The following HMGB1 variants were observed in gnomAD, a reference collection of about 807,000 sequenced individuals.
HMGB1 encodes high mobility group protein B1.
For synonymous variants in HMGB1, 81 were observed against 84.0 expected (o/e 0.96, Z 0.19); for missense variants, 79 against 253.5 (o/e 0.31, Z 4.67).
chr13:30,570,618 T>C (rs1387378512), intron 1 of HMGB1, among the ~76,000 whole-genome samples: 1 of 152,230 alleles, frequency 6.6e-6, no homozygotes, highest in African/African-American at 2.4e-5. Context: ...TGATTTTGTG[T>C]GCAGCTTTCT....
chr13:30,579,279 G>A (rs147098013), intron 1 of HMGB1, among the ~76,000 whole-genome samples: 1 of 152,170 alleles, frequency 6.6e-6, no homozygotes, highest in African/African-American at 2.4e-5. Context: ...CACGCTATAG[G>A]CCATGATCCA....
intron 1 of HMGB1, among the ~76,000 whole-genome samples, chr13:30,545,575 C>T: frequency 6.6e-6 from 1 of 152,088 alleles, no homozygotes; most frequent in East Asian, 1.9e-4. Context: ...CCCAGTATTC[C>T]TGAGTCTAGA....
intron 1 of HMGB1, among the ~76,000 whole-genome samples, chr13:30,591,683 GT>G (rs1225382271): frequency 6.6e-6 from 1 of 151,860 alleles, no homozygotes; most frequent in African/African-American, 2.4e-5. Flanking sequence ...CTAATTTTTT[GT>G]AGAGATGGGG....
intron 1 of HMGB1, among the ~76,000 whole-genome samples, chr13:30,593,234 C>CGGGG (rs1566035073): frequency 6.6e-6 from 1 of 152,172 alleles, no homozygotes. Flanking sequence ...ACCACCCCCC[C>CGGGG]GTAGAAGCTG....
At chr13:30,513,565 C>T (rs1888038261) in intron 1 of HMGB1, among the ~76,000 whole-genome samples, 1 of 152,180 alleles carries the variant, frequency 6.6e-6, no homozygotes, top group Non-Finnish European at 1.5e-5. Flanking sequence ...ACTGAGATTC[C>T]AAAAATCTGC....
intron 1 of HMGB1, among the ~76,000 whole-genome samples, chr13:30,613,322 C>T (rs1379528699): frequency 6.6e-6 from 1 of 152,092 alleles, no homozygotes; most frequent in Non-Finnish European, 1.5e-5. Flanking sequence ...TGTGCCTAGC[C>T]TTACACATTG....
rs149476588 is a variant in HMGB1, at chr13:30,562,547, T to C, written c.-15+54124A>G. On this transcript the variant is annotated intron_variant, in intron 1 of 4. Transcript: ENST00000405805. ...CTTTTATATTACAGTATTTTTGTTA[T>C]ACAGAAGTTTATATAGTGACAATAA... Among the ~76,000 whole-genome samples the C allele has an allele frequency of 3.3e-5, 5 of 152,342 alleles. No individual in the cohort carries two copies. The East Asian group carries it at 9.6e-4, about 29-fold the overall frequency.
intron 1 of HMGB1, chr13:30,464,049 A>C (rs1886538490): frequency 2.4e-5 from 23 of 950,244 alleles, no homozygotes; most frequent in Non-Finnish European, 2.9e-5. Context: ...CAACCAAACC[A>C]AAGGTCAGAA....
At chr13:30,465,097 C>T in intron 1 of HMGB1, 1 of 938,380 alleles carries the variant, frequency 1.1e-6, no homozygotes, top group Non-Finnish European at 1.3e-6. Flanking sequence ...GCCCAGCTCC[C>T]CCGCCCGCCC....
chr13:30,464,088 T>C (rs1886542693), intron 1 of HMGB1: 5 of 986,120 alleles, frequency 5.1e-6, no homozygotes, highest in South Asian at 4.6e-5. Flanking sequence ...GGCTTTGCAC[T>C]AGATAGGGAA....
At chr13:30,537,468 T>C (rs1306004412) in intron 1 of HMGB1, among the ~76,000 whole-genome samples, 1 of 151,956 alleles carries the variant, frequency 6.6e-6, no homozygotes, top group Non-Finnish European at 1.5e-5. Flanking sequence ...AGAACTGCTA[T>C]TGTAATTTCC....
At position 30,559,064 on chromosome 13, in the gene HMGB1, T is replaced by C. The variant is rs949864783; in HGVS notation, c.-15+57607A>G. On this transcript the variant is annotated intron_variant, in intron 1 of 4. Transcript: ENST00000405805. The surrounding 1 kb of genome is among the most constrained non-coding windows in gnomAD (Gnocchi z 6.6). ...ACTTTTCCAGAAAGCTCTGAATCTA[T>C]AGTTACTTTTAATTTTTAAAAATAT... 6.6e-6 allele frequency among the ~76,000 whole-genome samples: 1 copy of C among 152,226 alleles called. No homozygotes were observed. The highest frequency in any genetic ancestry group is 2.4e-5 in the African/African-American group (1 of 41,454).
upstream of HMGB1, among the ~76,000 whole-genome samples, chr13:30,469,624 C>T (rs1364809544): frequency 1.7e-4 from 10 of 57,568 alleles, 3 homozygotes; most frequent in East Asian, 4.7e-3. Flanking sequence ...AGTGCCACCA[C>T]GCCCGGCCTA....
chr13:30,588,840 C>G (rs183444122), intron 1 of HMGB1, among the ~76,000 whole-genome samples: 32 of 151,990 alleles, frequency 2.1e-4, no homozygotes, highest in Admixed American at 3.3e-4. Context: ...TCGCTTGAAT[C>G]TGGGAGGCGG....
rs1886224422 is a variant in HMGB1 at position 30,460,164 on chromosome 13, C to G, written c.*1193G>C. On this transcript the variant is annotated 3_prime_UTR_variant, in exon 5 of 5. Transcript: ENST00000341423. ...ATTCAAATAAATTGAATAATTCATACTGAGATGCAAAGTTTGTCTTCTTTC... is the reference window on the plus strand; with the variant it reads ...ATTCAAATAAATTGAATAATTCATAGTGAGATGCAAAGTTTGTCTTCTTTC... 6.6e-6 allele frequency: 1 copy of G among 152,204 alleles called. No individual in the cohort carries two copies. The highest frequency in any genetic ancestry group is 1.5e-5 in the Non-Finnish European group (1 of 67,988). The allele number at this position is 152,204 out of a possible 1,614,324, so 9.4% of individuals were successfully genotyped here.
chr13:30,546,208 C>G (rs565233742), intron 1 of HMGB1, among the ~76,000 whole-genome samples: 1 of 152,146 alleles, frequency 6.6e-6, no homozygotes, highest in Non-Finnish European at 1.5e-5. Flanking sequence ...CTCTGCCTCC[C>G]GGGTTCAAGC....
upstream of HMGB1, among the ~76,000 whole-genome samples, chr13:30,470,419 C>T (rs932919617): frequency 1.3e-5 from 2 of 152,134 alleles, no homozygotes; most frequent in African/African-American, 4.8e-5. Flanking sequence ...AGGATAGGTG[C>T]CAATTACATC....
chr13:30,595,404 G>GT (rs1871563340), intron 1 of HMGB1, among the ~76,000 whole-genome samples: 1 of 152,118 alleles, frequency 6.6e-6, no homozygotes, highest in Non-Finnish European at 1.5e-5. Flanking sequence ...AACGACTTCT[G>GT]TAAGGCCTAC....
chr13:30,461,340 A>G lies in HMGB1; in HGVS notation c.*17T>C, dbSNP rs1259708500. The stretch of plus-strand genomic sequence containing the variant: ...ATGCTTTATAGACAAGAAAAAAAAA[A>G]CTGCGCTAGAACCAACTTATTCATC... On this transcript the variant is annotated 3_prime_UTR_variant, in exon 5 of 5. Transcript: ENST00000341423. 1.9e-6 allele frequency: 3 copies of G among 1,538,634 alleles called. No individual in the cohort carries two copies. In the East Asian group the frequency reaches 6.7e-5, roughly 35 times the overall value.
Sources: gnomAD v4.1 joint callset for allele counts (sites outside exome capture counted in the v4.1 genomes callset) on GRCh38, gnomAD v4.1.1 for gene constraint, Gnocchi (gnomAD v3.1) non-coding constraint, MANE v1.5 for transcripts, NCBI Gene and HGNC (gene_info 2026-07-23, HGNC 2026-07-21) for gene names.